INPP4A: variants seen among roughly 807,000 people sequenced by gnomAD.
The protein encoded by INPP4A is inositol polyphosphate-4-phosphatase type I A, also known as inositol polyphosphate-4-phosphatase, type I, 107kD.
Under a neutral mutation model 119.8 loss-of-function variants are expected in INPP4A, and 33 were observed. The observed-to-expected ratio is 0.28, with a 90% CI of 0.21 to 0.37. The LOEUF is 0.37. INPP4A is among the 10% of genes least tolerant of loss of function. The pLI is 1.00. For missense variants in INPP4A, 956 were observed against 1,289.9 expected (o/e 0.74, Z 3.97); for synonymous variants, 496 against 500.7 (o/e 0.99, Z 0.12).
chr2:98,451,728 T>C (rs1163629837), intron 1 of INPP4A, among the ~76,000 whole-genome samples: 1 of 152,162 alleles, frequency 6.6e-6, no homozygotes, highest in East Asian at 1.9e-4. Context: ...CTCATGTTGC[T>C]TGCATCTCTA....
At chr2:98,521,395 T>G (rs1687170271) in intron 4 of INPP4A, 1 of 152,232 alleles carries the variant, frequency 6.6e-6, no homozygotes, top group Non-Finnish European at 1.5e-5. Flanking sequence ...CTGGCACCAA[T>G]GTCCAAGAGG....
chr2:98,564,283 G>A (rs1559084398), intron 18 of INPP4A, among the ~76,000 whole-genome samples: 1 of 152,170 alleles, frequency 6.6e-6, no homozygotes, highest in Non-Finnish European at 1.5e-5. Context: ...GGCTAACTCA[G>A]TTTCCAGCCA....
intron 1 of INPP4A, among the ~76,000 whole-genome samples, chr2:98,450,522 G>A (rs1344623319): frequency 6.6e-6 from 1 of 152,218 alleles, no homozygotes; most frequent in South Asian, 2.1e-4. Flanking sequence ...CCAGCTAGCT[G>A]TGTGACTTTG....
chr2:98,520,831 G>A (rs1160556064), intron 4 of INPP4A, 100 bp downstream of exon 4: 1 of 657,360 alleles, frequency 1.5e-6, no homozygotes, highest in African/African-American at 1.9e-5. Context: ...CAGAGAGCTT[G>A]CTGCTGCTGC....
intron 17 of INPP4A, 145 bp downstream of exon 17, chr2:98,559,640 C>A: frequency 1.2e-6 from 1 of 847,902 alleles, no homozygotes; most frequent in Non-Finnish European, 1.8e-6. Context: ...AGGCATAAAA[C>A]ACTTTTCGCA....
intron 1 of INPP4A, among the ~76,000 whole-genome samples, chr2:98,503,163 A>G (rs545875818): frequency 2.0e-5 from 3 of 152,292 alleles, no homozygotes; most frequent in African/African-American, 7.2e-5. Flanking sequence ...GCTCATTGCA[A>G]TTCTTGTGGG....
chr2:98,477,814 T>TA lies in INPP4A; in HGVS notation c.-166+32731dup, dbSNP rs561430847. On this transcript the variant is annotated intron_variant, in intron 1 of 24. Transcript: ENST00000409851. The stretch of plus-strand genomic sequence containing the variant: ...AGCGGTTGGATGAGGGAGGAGAGGC[T>TA]AAGGGCCCCTCTAATGTGGACAGCC... Among the ~76,000 whole-genome samples, 571 of 152,300 alleles carry TA rather than the reference T, an allele frequency of 3.7e-3. 1 individual carries two copies. The highest frequency in any genetic ancestry group is 5.1e-3 in the Non-Finnish European group (350 of 68,012).
intron 10 of INPP4A, among the ~76,000 whole-genome samples, chr2:98,542,083 T>TGAGAAGAAAG (rs1691573035): frequency 6.6e-6 from 1 of 152,152 alleles, no homozygotes; most frequent in East Asian, 1.9e-4. Flanking sequence ...AAGGGAACTG[T>TGAGAAGAAAG]GAGAAGAAAG....
chr2:98,517,965 C>T (rs1051806766), intron 1 of INPP4A, among the ~76,000 whole-genome samples: 2 of 152,154 alleles, frequency 1.3e-5, no homozygotes, highest in African/African-American at 4.8e-5. Flanking sequence ...TTTTGGAGGA[C>T]GAATTTAGGT....
At chr2:98,538,568 A>T (rs982265134) in intron 8 of INPP4A, among the ~76,000 whole-genome samples, 2 of 152,154 alleles carry the variant, frequency 1.3e-5, no homozygotes. Flanking sequence ...TTTCACCCAA[A>T]ATAAGCCCAG....
intron 10 of INPP4A, among the ~76,000 whole-genome samples, chr2:98,543,147 A>G (rs1052251869): frequency 6.6e-6 from 1 of 152,058 alleles, no homozygotes; most frequent in African/African-American, 2.4e-5. Context: ...GTCTCAATCT[A>G]GCTCCTCTCT....
chr2:98,562,176 C>G (rs949965830), intron 17 of INPP4A, among the ~76,000 whole-genome samples: 1 of 152,190 alleles, frequency 6.6e-6, no homozygotes, highest in African/African-American at 2.4e-5. Flanking sequence ...TAAATTTAAG[C>G]CTGCTTTTTC....
chr2:98,578,340 C>G (rs996398785), intron 24 of INPP4A, among the ~76,000 whole-genome samples: 1 of 152,170 alleles, frequency 6.6e-6, no homozygotes, highest in Non-Finnish European at 1.5e-5. Flanking sequence ...TTCTGGTGAG[C>G]TGCAGACCTC....
chr2:98,534,912 G>A (rs370636916), intron 5 of INPP4A, among the ~76,000 whole-genome samples: 31 of 152,214 alleles, frequency 2.0e-4, no homozygotes, highest in African/African-American at 7.2e-4. Flanking sequence ...GCACCAAAGT[G>A]AATGCCCGGG....
At chr2:98,472,029 AG>A (rs1334781709) in intron 1 of INPP4A, among the ~76,000 whole-genome samples, 1 of 152,226 alleles carries the variant, frequency 6.6e-6, no homozygotes, top group Non-Finnish European at 1.5e-5. Flanking sequence ...AGGAGGGTGT[AG>A]GAATCAAGAG....
intron 13 of INPP4A, among the ~76,000 whole-genome samples, chr2:98,549,836 C>T (rs1353249335): frequency 3.3e-5 from 5 of 152,150 alleles, no homozygotes; most frequent in African/African-American, 4.8e-5. Flanking sequence ...GGGAGGAGGG[C>T]ATCTAGGGAC....
intron 24 of INPP4A, among the ~76,000 whole-genome samples, chr2:98,585,584 C>T (rs1699859706): frequency 6.6e-6 from 1 of 152,216 alleles, no homozygotes; most frequent in Admixed American, 6.5e-5. Flanking sequence ...GCTGTCCTCG[C>T]CACCTCTGCA....
chr2:98,535,696 C>T (rs1248693403), intron 5 of INPP4A, 33 bp from the exon 6 acceptor site: 3 of 993,586 alleles, frequency 3.0e-6, no homozygotes, highest in African/African-American at 1.6e-5. Flanking sequence ...AAAATCCAAC[C>T]CTGTGTTCTG....
intron 4 of INPP4A, among the ~76,000 whole-genome samples, chr2:98,526,083 G>A (rs181136082): frequency 4.7e-4 from 72 of 152,126 alleles, no homozygotes; most frequent in African/African-American, 1.5e-3. Context: ...TAAATAAATT[G>A]TACAATGGAA....
Sources: allele counts gnomAD v4.1 joint callset (sites outside exome capture counted in the v4.1 genomes callset), GRCh38; gene constraint gnomAD v4.1.1; transcripts MANE v1.5; gene names NCBI Gene and HGNC (gene_info 2026-07-23, HGNC 2026-07-21).